Variants in MCTP2 observed in about 807,000 individuals in gnomAD.
MCTP2 encodes the protein multiple C2 and transmembrane domain-containing protein 2.
A neutral mutation model predicts 111.6 loss-of-function variants in MCTP2; 132 were observed. That is an observed-to-expected ratio of 1.18 (90% CI 1.03 to 1.37). The LOEUF (loss-of-function observed/expected upper bound fraction) is 1.37. MCTP2 is among the 40% of genes most tolerant of loss of function. MCTP2 has a pLI of 0.00. For synonymous variants in MCTP2, 395 were observed against 387.7 expected (o/e 1.02, Z -0.22); for missense variants, 1,183 against 1,067.9 (o/e 1.11, Z -1.50).
At chr15:94,240,426 C>G (rs2070863343) in intron 1 of MCTP2, among the ~76,000 whole-genome samples, 1 of 152,038 alleles carries the variant, frequency 6.6e-6, no homozygotes, top group Admixed American at 6.6e-5. Flanking sequence ...GTTTTGCATC[C>G]CAGGGAAATT....
chr15:94,240,930 TGGTGCTATTGATTAGATCAA>T (rs2070899263), intron 1 of MCTP2, among the ~76,000 whole-genome samples: 1 of 152,210 alleles, frequency 6.6e-6, no homozygotes, highest in Non-Finnish European at 1.5e-5. Flanking sequence ...AAAATTCTTG[TGGTGCTATTGATTAGATCAA>T]GGTACTTTTT....
intron 3 of MCTP2, chr15:94,314,822 G>A (rs2076308619): frequency 4.4e-6 from 2 of 452,966 alleles, no homozygotes. Context: ...GCCAGCAGGA[G>A]TTGATGCATT....
At chr15:94,330,584 T>A (rs552596597) in intron 4 of MCTP2, among the ~76,000 whole-genome samples, 7 of 152,144 alleles carry the variant, frequency 4.6e-5, no homozygotes, top group Non-Finnish European at 8.8e-5. Context: ...CTCCTCTCCC[T>A]TTTTTCTATG....
At chr15:94,402,645 C>T in intron 17 of MCTP2, 1 of 1,542,740 alleles carries the variant, frequency 6.5e-7, no homozygotes, top group Non-Finnish European at 8.7e-7. Context: ...CTTGGAAGGA[C>T]TTCACAGCTG....
intron 1 of MCTP2, among the ~76,000 whole-genome samples, chr15:94,270,568 C>G (rs543458937): frequency 1.7e-4 from 26 of 152,126 alleles, no homozygotes; most frequent in Non-Finnish European, 3.2e-4. Context: ...CTCTCTGGCT[C>G]TCTTCCAACC....
intron 19 of MCTP2, among the ~76,000 whole-genome samples, chr15:94,455,698 T>C (rs7174741): frequency 0.19 from 29,315 of 152,182 alleles, 3,018 homozygotes; most frequent in African/African-American, 0.24. Context: ...GTGCTGGGCT[T>C]ACAGGCGTGA....
intron 1 of MCTP2, among the ~76,000 whole-genome samples, chr15:94,276,860 GA>G (rs2074241986): frequency 7.6e-6 from 1 of 131,382 alleles, no homozygotes; most frequent in Admixed American, 7.7e-5. Context: ...AAAAAAAAAA[GA>G]GATATGTTCT....
chr15:94,380,847 A>G (rs1383152988), intron 12 of MCTP2, among the ~76,000 whole-genome samples: 1 of 151,948 alleles, frequency 6.6e-6, no homozygotes, highest in African/African-American at 2.4e-5. Context: ...AGCTTCTATA[A>G]TTGATACAAA....
intron 20 of MCTP2, 137 bp from the exon 21 acceptor site, chr15:94,470,196 G>A (rs2073801118): frequency 1.6e-6 from 1 of 622,378 alleles, no homozygotes; most frequent in African/African-American, 1.9e-5. Context: ...CTCTCATCTT[G>A]AGGTTTTTAA....
At position 94,339,210 on chromosome 15, in the gene MCTP2, G is replaced by A. The variant is rs186435808; in HGVS notation, c.638-80G>A. ...GGGAGACATTAGCCTGGGGAGTGGG[G>A]AAAGGATCTTTATTTAATGAAAGTC... is the stretch of plus-strand genomic sequence containing the variant. On this transcript the variant is annotated intron_variant, in intron 4 of 22. Coordinates refer to ENST00000357742, the MANE Select transcript of MCTP2 (RefSeq NM_001385001.1). 3.1e-5 allele frequency: 34 copies of A among 1,081,738 alleles called. No individual in the cohort carries two copies. The East Asian group carries it at 7.5e-4, about 24-fold the overall frequency. 67.0% of individuals were successfully genotyped at this position (1,081,738 alleles called of 1,614,324 possible).
intron 20 of MCTP2, among the ~76,000 whole-genome samples, chr15:94,466,466 G>A (rs2073313861): frequency 6.6e-6 from 1 of 152,064 alleles, no homozygotes; most frequent in South Asian, 2.1e-4. Context: ...AGCAACACTG[G>A]TAGCATAAAC....
chr15:94,445,819 C>G (rs1413157393), intron 19 of MCTP2, among the ~76,000 whole-genome samples: 2 of 152,208 alleles, frequency 1.3e-5, no homozygotes, highest in Non-Finnish European at 2.9e-5. Context: ...TTGTTCAAAA[C>G]CAGAAGAGGA....
At chr15:94,266,924 ACTGTGAC>A (rs961716083) in intron 1 of MCTP2, among the ~76,000 whole-genome samples, 4 of 152,258 alleles carry the variant, frequency 2.6e-5, no homozygotes, top group Admixed American at 6.5e-5. Flanking sequence ...TAAGAGTGGC[ACTGTGAC>A]CTGTGACCTG....
chr15:94,434,368 A>G (rs1220659218), intron 17 of MCTP2, among the ~76,000 whole-genome samples: 1 of 137,484 alleles, frequency 7.3e-6, no homozygotes, highest in Non-Finnish European at 1.6e-5. Context: ...GTGAGCCACC[A>G]CTCCCAGCCT....
intron 19 of MCTP2, among the ~76,000 whole-genome samples, chr15:94,453,240 C>G (rs896138248): frequency 6.6e-6 from 1 of 152,152 alleles, no homozygotes; most frequent in African/African-American, 2.4e-5. Flanking sequence ...CCAGAGTTCT[C>G]AAAGACTAAC....
intron 4 of MCTP2, among the ~76,000 whole-genome samples, chr15:94,316,547 T>C (rs1237292691): frequency 6.6e-6 from 1 of 152,238 alleles, no homozygotes; most frequent in Non-Finnish European, 1.5e-5. Flanking sequence ...AAGATTCACC[T>C]ACCTTACAGG....
Position 94,471,854 on chromosome 15 carries a change from G to A in MCTP2, c.2470+1412G>A, listed in dbSNP as rs74029261. Reference sequence around the variant, plus strand: ...TTATTTTTCAATTATGTTTTCGTGCGTACTACTATCTTGTTTACTGATAAC... The same window carrying A: ...TTATTTTTCAATTATGTTTTCGTGCATACTACTATCTTGTTTACTGATAAC... On this transcript the variant is annotated intron_variant, in intron 21 of 22. Coordinates refer to ENST00000357742, the MANE Select transcript of MCTP2 (RefSeq NM_001385001.1). Among the ~76,000 whole-genome samples, 179 of 151,696 alleles carry A rather than the reference G, an allele frequency of 1.2e-3. 1 individual carries two copies. Among genetic ancestry groups the A allele is most frequent in the African/African-American group, 3.7e-3 (153 of 41,346 alleles).
chr15:94,406,818 C>G (rs2081919108), intron 17 of MCTP2, among the ~76,000 whole-genome samples: 2 of 149,228 alleles, frequency 1.3e-5, no homozygotes, highest in Middle Eastern at 7.1e-3. Flanking sequence ...CAGAAAACAA[C>G]TAGTGGAAGG....
intron 1 of MCTP2, among the ~76,000 whole-genome samples, chr15:94,244,090 GTATACACATACATA>G (rs1418252448): frequency 4.6e-4 from 25 of 53,848 alleles, no homozygotes; most frequent in African/African-American, 6.5e-4. Context: ...GCACACATAT[GTATACACATACATA>G]TGTGTATATG....
Sources: gnomAD v4.1 joint callset for allele counts (sites outside exome capture counted in the v4.1 genomes callset) on GRCh38, gnomAD v4.1.1 for gene constraint, MANE v1.5 for transcripts, NCBI Gene and HGNC (gene_info 2026-07-23, HGNC 2026-07-21) for gene names.